The following OPCML variants were observed in gnomAD, a reference collection of about 807,000 sequenced individuals.
The protein encoded by OPCML is opioid-binding protein/cell adhesion molecule.
A neutral mutation model predicts 37.8 loss-of-function variants in OPCML; 13 were observed. The ratio of observed to expected loss-of-function variants is 0.34; its 90% CI spans 0.22 to 0.55. The LOEUF is 0.55. Among genes scored for constraint, OPCML ranks in the 20% least tolerant of loss-of-function variants. The pLI, the probability that OPCML is intolerant of heterozygous loss-of-function variation, is 0.91. For synonymous variants in OPCML, 176 were observed against 168.8 expected, an observed-to-expected ratio of 1.04 and a Z score of -0.33; for missense variants, 341 against 435.6, an observed-to-expected ratio of 0.78 and a Z score of 1.93.
At chr11:133,241,367 C>T (rs1212984577) in intron 1 of OPCML, among the ~76,000 whole-genome samples, 1 of 152,128 alleles carries the variant, frequency 6.6e-6, no homozygotes, top group Non-Finnish European at 1.5e-5. Flanking sequence ...ATAAATGAAA[C>T]CAGATTCCTA....
At chr11:132,971,698 T>C (rs1187295251) in intron 1 of OPCML, among the ~76,000 whole-genome samples, 1 of 152,186 alleles carries the variant, frequency 6.6e-6, no homozygotes, top group Non-Finnish European at 1.5e-5. Flanking sequence ...AGGGAGGCTC[T>C]GTCTGCAGTC....
Position 133,075,114 on chromosome 11 carries a change from A to G in OPCML, c.62-132104T>C, listed in dbSNP as rs1171524353. ...TCAGCGTAGCTGCATTTTGTCACAG[A>G]CTGAGTAGTAGACAAGGCTCACCTC... On this transcript the variant is annotated intron_variant, in intron 1 of 7. Coordinates refer to ENST00000524381, the MANE Select transcript of OPCML (RefSeq NM_001012393.5). 2.0e-5 allele frequency among the ~76,000 whole-genome samples: 3 copies of G among 152,254 alleles called. No individual in the cohort carries two copies. In the East Asian group the frequency reaches 5.8e-4, roughly 30 times the overall value.
chr11:132,981,953 A>C lies in OPCML; in HGVS notation c.62-38943T>G, dbSNP rs1946594935. 2.0e-5 allele frequency among the ~76,000 whole-genome samples: 3 copies of C among 152,330 alleles called. No homozygotes were observed. The South Asian group carries it at 6.2e-4, about 32-fold the overall frequency. Reference sequence around the variant, plus strand: ...CAGGTTTAACGTATTTGTGTCCGTCACATATCCAAACATTTGTGAAACTAA... The same window carrying C: ...CAGGTTTAACGTATTTGTGTCCGTCCCATATCCAAACATTTGTGAAACTAA... On this transcript the variant is annotated intron_variant, in intron 1 of 7. Coordinates refer to ENST00000524381, the MANE Select transcript of OPCML (RefSeq NM_001012393.5).
At chr11:132,833,145 A>ATG (rs1940800987) in intron 2 of OPCML, among the ~76,000 whole-genome samples, 1 of 152,008 alleles carries the variant, frequency 6.6e-6, no homozygotes, top group Non-Finnish European at 1.5e-5. Context: ...TTTAAAATAT[A>ATG]TATAGTTTAA....
chr11:132,865,025 G>T (rs965062720), intron 2 of OPCML, among the ~76,000 whole-genome samples: 1 of 152,222 alleles, frequency 6.6e-6, no homozygotes. Context: ...CATTAGCTCC[G>T]CAAGTCAGGC....
rs1020506288 is a variant in OPCML, at chr11:133,477,222, G to A, written c.61+55042C>T. ...CTTCAGCACACGAAGAGTAGCCATCGCTCTTTGCCTTCTGTTTAGCATAGA... is the reference window on the plus strand; with the variant it reads ...CTTCAGCACACGAAGAGTAGCCATCACTCTTTGCCTTCTGTTTAGCATAGA... On this transcript the variant is annotated intron_variant, in intron 1 of 7. Coordinates refer to ENST00000524381, the MANE Select transcript of OPCML (RefSeq NM_001012393.5). Among the ~76,000 whole-genome samples, 10 of 152,154 alleles carry A rather than the reference G, an allele frequency of 6.6e-5. 1 individual carries two copies. The highest frequency in any genetic ancestry group is 1.0e-4 in the Non-Finnish European group (7 of 68,024).
At chr11:132,720,973 G>C (rs931997376) in intron 2 of OPCML, among the ~76,000 whole-genome samples, 1 of 151,808 alleles carries the variant, frequency 6.6e-6, no homozygotes, top group Admixed American at 6.6e-5. Context: ...GATGCTCCTA[G>C]ATAACTTAGC....
At chr11:132,636,285 T>A (rs1166184634) in intron 3 of OPCML, among the ~76,000 whole-genome samples, 2 of 152,210 alleles carry the variant, frequency 1.3e-5, no homozygotes, top group African/African-American at 2.4e-5. Context: ...TAAAGTCACG[T>A]GCAGAATTCA....
At chr11:132,684,769 A>G (rs1784187) in intron 2 of OPCML, among the ~76,000 whole-genome samples, 21,324 of 152,224 alleles carry the variant, frequency 0.14, 1,882 homozygotes, top group African/African-American at 0.24. Context: ...CGTTTGTTCA[A>G]AAACCAACCA....
chr11:133,291,064 T>C (rs974134118), intron 1 of OPCML, among the ~76,000 whole-genome samples: 3 of 152,184 alleles, frequency 2.0e-5, no homozygotes, highest in Non-Finnish European at 4.4e-5. Flanking sequence ...ATAAATAGTT[T>C]CCTGCTTCGC....
intron 1 of OPCML, among the ~76,000 whole-genome samples, chr11:133,122,452 G>A (rs147719798): frequency 4.6e-5 from 7 of 152,226 alleles, no homozygotes; most frequent in East Asian, 1.9e-4. Context: ...GTTCCAAAAC[G>A]TGAGCATGGA....
intron 7 of OPCML, among the ~76,000 whole-genome samples, chr11:132,431,030 C>T (rs2095995107): frequency 2.0e-5 from 3 of 152,298 alleles, no homozygotes; most frequent in African/African-American, 7.2e-5. Flanking sequence ...ACCCAGCCAC[C>T]CCTGCTGTAC....
chr11:133,485,737 A>G (rs1245177726), intron 1 of OPCML, among the ~76,000 whole-genome samples: 1 of 152,172 alleles, frequency 6.6e-6, no homozygotes, highest in Admixed American at 6.5e-5. Flanking sequence ...ATAACAACAA[A>G]TCAATACTTA....
chr11:132,614,912 T>C (rs1289816057), intron 3 of OPCML, among the ~76,000 whole-genome samples: 2 of 152,242 alleles, frequency 1.3e-5, no homozygotes, highest in Non-Finnish European at 2.9e-5. Context: ...AAGCACTTTC[T>C]AACTTTTGCC....
intron 3 of OPCML, among the ~76,000 whole-genome samples, chr11:132,544,342 A>T (rs1008116430): frequency 2.0e-5 from 3 of 152,206 alleles, no homozygotes; most frequent in African/African-American, 7.2e-5. Context: ...CCCACCAGGA[A>T]CTAAGGCTCC....
At chr11:132,964,387 A>C (rs767857223) in intron 1 of OPCML, among the ~76,000 whole-genome samples, 2 of 152,170 alleles carry the variant, frequency 1.3e-5, no homozygotes, top group Non-Finnish European at 2.9e-5. Flanking sequence ...TTTGCGATCA[A>C]TCCTTCAGAT....
At chr11:132,517,998 GCT>G (rs1279715527) in intron 4 of OPCML, among the ~76,000 whole-genome samples, 1 of 152,042 alleles carries the variant, frequency 6.6e-6, no homozygotes, top group Non-Finnish European at 1.5e-5. Context: ...TTACTTCCAA[GCT>G]CTCTTACTTG....
chr11:132,735,180 A>T (rs1241951502), intron 2 of OPCML, among the ~76,000 whole-genome samples: 1 of 152,190 alleles, frequency 6.6e-6, no homozygotes, highest in East Asian at 1.9e-4. Context: ...GTAAAATTTT[A>T]AAAAATAGCT....
chr11:133,023,248 G>C (rs939773916), intron 1 of OPCML, among the ~76,000 whole-genome samples: 1 of 152,158 alleles, frequency 6.6e-6, no homozygotes, highest in South Asian at 2.1e-4. Context: ...GCTTAAAATA[G>C]CTTTGGCTGT....
Sources: gnomAD v4.1 joint callset for allele counts (sites outside exome capture counted in the v4.1 genomes callset) on GRCh38, gnomAD v4.1.1 for gene constraint, MANE v1.5 for transcripts, NCBI Gene and HGNC (gene_info 2026-07-23, HGNC 2026-07-21) for gene names.